The following SLC30A7 variants were observed in gnomAD, a reference collection of about 807,000 sequenced individuals.
The protein encoded by SLC30A7 is solute carrier family 30 member 7, also known as zinc transporter 7.
A neutral mutation model predicts 46.0 loss-of-function variants in SLC30A7; 35 were observed. That is an observed-to-expected ratio of 0.76 (90% CI 0.58 to 1.01). The LOEUF (loss-of-function observed/expected upper bound fraction) is 1.01, where lower values mean the gene tolerates loss of function less well. Among genes scored for constraint, SLC30A7 ranks in the 50% least tolerant of loss-of-function variants. SLC30A7 has a pLI of 0.00. For synonymous variants in SLC30A7, 147 were observed against 157.8 expected (o/e 0.93, Z 0.51); for missense variants, 464 against 451.1 (o/e 1.03, Z -0.26).
intron 10 of SLC30A7, among the ~76,000 whole-genome samples, chr1:100,967,200 A>C (rs1655915405): frequency 2.0e-5 from 3 of 152,218 alleles, no homozygotes. Context: ...TGTCAGAATC[A>C]TCTAACACAG....
At chr1:100,899,819 ATT>A (rs34648957) in intron 2 of SLC30A7, among the ~76,000 whole-genome samples, 3 of 146,600 alleles carry the variant, frequency 2.0e-5, no homozygotes, top group Admixed American at 6.8e-5. Flanking sequence ...AGGTGTGCAC[ATT>A]TTTTTTTTTT....
At chr1:100,992,787 A>G in the SLC30A7 span, 2 of 1,285,654 alleles carry the variant, frequency 1.6e-6, no homozygotes, top group East Asian at 4.7e-5. Context: ...ATGAAACTAC[A>G]TAATATGTTA....
chr1:100,923,658 A>T (rs1218937357), intron 8 of SLC30A7, among the ~76,000 whole-genome samples: 1 of 152,162 alleles, frequency 6.6e-6, no homozygotes, highest in African/African-American at 2.4e-5. Flanking sequence ...GTGTACCTAT[A>T]GTTGCAGCTA....
chr1:100,902,023 G>A (rs1388900012), intron 2 of SLC30A7, among the ~76,000 whole-genome samples: 1 of 152,114 alleles, frequency 6.6e-6, no homozygotes, highest in Non-Finnish European at 1.5e-5. Flanking sequence ...GATTGAATAT[G>A]AGCAGTAAAA....
intron 8 of SLC30A7, among the ~76,000 whole-genome samples, chr1:100,937,678 G>A (rs956532030): frequency 2.6e-5 from 4 of 152,090 alleles, no homozygotes; most frequent in East Asian, 1.9e-4. Flanking sequence ...TTGTTGAATT[G>A]TGGGTGTTCT....
At chr1:100,933,414 T>C (rs1183739401) in intron 8 of SLC30A7, among the ~76,000 whole-genome samples, 1 of 152,154 alleles carries the variant, frequency 6.6e-6, no homozygotes, top group Non-Finnish European at 1.5e-5. Flanking sequence ...TAACAATTTT[T>C]TTTTTAATTT....
At chr1:100,982,391 C>T (rs1279773184), downstream of SLC30A7, among the ~76,000 whole-genome samples, 1 of 152,176 alleles carries the variant, frequency 6.6e-6, no homozygotes, top group Non-Finnish European at 1.5e-5. Context: ...GTAGAAGTTG[C>T]TTCAAGGCCA....
chr1:100,944,611 T>C (rs895815099), intron 8 of SLC30A7, among the ~76,000 whole-genome samples: 3 of 151,172 alleles, frequency 2.0e-5, no homozygotes, highest in Non-Finnish European at 4.4e-5. Context: ...ACCCATCAAC[T>C]CCTCATTTAC....
rs369696645 is a variant in SLC30A7 at position 100,980,464 on chromosome 1, C to T, written c.*5607C>T. The T allele has an allele frequency of 1.3e-5, 2 of 152,082 alleles. No individual in the cohort carries two copies. The highest frequency in any genetic ancestry group is 4.8e-5 in the African/African-American group (2 of 41,432). The allele number at this position is 152,082 out of a possible 1,614,324, so 9.4% of individuals were successfully genotyped here. On this transcript the variant is annotated 3_prime_UTR_variant, in exon 11 of 11. Coordinates refer to ENST00000357650, the MANE Select transcript of SLC30A7 (RefSeq NM_133496.5). ...TTGTAATAAAGAATATCTTTCTCTT[C>T]TGCATCCTTTTATCCTCAAACTTAG...
chr1:100,985,057 G>A (rs1657188453), downstream of SLC30A7, among the ~76,000 whole-genome samples: 1 of 152,168 alleles, frequency 6.6e-6, no homozygotes, highest in African/African-American at 2.4e-5. Flanking sequence ...GGACTTAACA[G>A]CAGAATGGAG....
At chr1:100,967,589 C>G (rs568014920) in intron 10 of SLC30A7, among the ~76,000 whole-genome samples, 1 of 152,238 alleles carries the variant, frequency 6.6e-6, no homozygotes, top group East Asian at 1.9e-4. Context: ...GATTTGATAC[C>G]ATGGGGAATA....
chr1:100,928,475 A>G (rs950430252), intron 8 of SLC30A7, among the ~76,000 whole-genome samples: 7 of 152,300 alleles, frequency 4.6e-5, no homozygotes, highest in African/African-American at 1.7e-4. Flanking sequence ...AATTATGGGA[A>G]TAATTATGTT....
At chr1:100,966,205 A>G (rs909135085) in intron 10 of SLC30A7, among the ~76,000 whole-genome samples, 9 of 151,610 alleles carry the variant, frequency 5.9e-5, no homozygotes, top group Admixed American at 5.9e-4. Context: ...AGCCTGGGCC[A>G]CAGAGCAAGA....
At chr1:100,962,865 A>AG (rs1215649835) in intron 9 of SLC30A7, among the ~76,000 whole-genome samples, 4 of 152,216 alleles carry the variant, frequency 2.6e-5, no homozygotes, top group Non-Finnish European at 5.9e-5. Flanking sequence ...GTAACGGTGA[A>AG]GATAAATATT....
intron 10 of SLC30A7, among the ~76,000 whole-genome samples, chr1:100,967,878 A>C (rs143016758): frequency 7.2e-5 from 11 of 152,346 alleles, no homozygotes; most frequent in Admixed American, 4.6e-4. Flanking sequence ...AAGAAATTTG[A>C]TTATGGACTG....
chr1:100,967,535 A>T (rs1278611543), intron 10 of SLC30A7, among the ~76,000 whole-genome samples: 2 of 152,172 alleles, frequency 1.3e-5, no homozygotes, highest in African/African-American at 4.8e-5. Flanking sequence ...AACAGGTTCC[A>T]TGTGTTAAAA....
At chr1:100,973,364 G>A (rs957465031) in intron 10 of SLC30A7, among the ~76,000 whole-genome samples, 5 of 152,064 alleles carry the variant, frequency 3.3e-5, no homozygotes, top group Non-Finnish European at 7.4e-5. Context: ...AGAAGAAAGG[G>A]CTTATTGTGA....
At chr1:100,901,129 A>C (rs189558982) in intron 2 of SLC30A7, among the ~76,000 whole-genome samples, 1 of 152,254 alleles carries the variant, frequency 6.6e-6, no homozygotes, top group East Asian at 1.9e-4. Flanking sequence ...CATAACCCAA[A>C]ACCATTATCA....
intron 10 of SLC30A7, among the ~76,000 whole-genome samples, chr1:100,970,248 A>G (rs2101097905): frequency 6.6e-6 from 1 of 152,220 alleles, no homozygotes; most frequent in South Asian, 2.1e-4. Context: ...TTACAATGTA[A>G]GTGATAGTTT....
Sources: gnomAD v4.1 joint callset for allele counts (sites outside exome capture counted in the v4.1 genomes callset) on GRCh38, gnomAD v4.1.1 for gene constraint, MANE v1.5 for transcripts, NCBI Gene and HGNC (gene_info 2026-07-23, HGNC 2026-07-21) for gene names.